EXOC2: variants seen among roughly 807,000 people sequenced by gnomAD.
EXOC2 encodes the protein SEC5-like 1.
Under a neutral mutation model 131.8 loss-of-function variants are expected in EXOC2, and 70 were observed. The ratio of observed to expected loss-of-function variants is 0.53; its 90% confidence interval spans 0.44 to 0.65. The LOEUF (loss-of-function observed/expected upper bound fraction) is 0.65. Ranked by LOEUF, EXOC2 falls within the 30% of genes least tolerant of loss-of-function variation. The pLI, the probability that EXOC2 is intolerant of heterozygous loss-of-function variation, is 0.00. For missense variants in EXOC2, 923 were observed against 1,108.6 expected, an observed-to-expected ratio of 0.83 and a Z score of 2.38; for synonymous variants, 411 against 398.4, an observed-to-expected ratio of 1.03 and a Z score of -0.38.
intron 1 of EXOC2, among the ~76,000 whole-genome samples, chr6:641,940 A>G (rs1416425518): frequency 1.3e-5 from 2 of 152,124 alleles, no homozygotes; most frequent in African/African-American, 4.8e-5. Context: ...ATAATCTTCT[A>G]TGAAATCCAC....
intron 23 of EXOC2, among the ~76,000 whole-genome samples, chr6:515,760 G>C (rs1042116530): frequency 6.6e-6 from 1 of 150,922 alleles, no homozygotes; most frequent in Non-Finnish European, 1.5e-5. Context: ...AGGAGGGAGC[G>C]AGAAGCCAGA....
intron 10 of EXOC2, among the ~76,000 whole-genome samples, chr6:596,346 T>G (rs1291459998): frequency 6.6e-6 from 1 of 151,806 alleles, no homozygotes; most frequent in Non-Finnish European, 1.5e-5. Context: ...ACACAGCAGC[T>G]TTCAGGCCAG....
At chr6:570,966 A>C (rs1758245515) in intron 13 of EXOC2, among the ~76,000 whole-genome samples, 1 of 152,222 alleles carries the variant, frequency 6.6e-6, no homozygotes, top group African/African-American at 2.4e-5. Context: ...GCTTGACCTC[A>C]GCATGGTGAG....
chr6:646,972 A>G (rs1011178734), intron 1 of EXOC2, among the ~76,000 whole-genome samples: 1 of 152,250 alleles, frequency 6.6e-6, no homozygotes, highest in African/African-American at 2.4e-5. Flanking sequence ...AAAGATACCA[A>G]AACACTGCAG....
intron 1 of EXOC2, among the ~76,000 whole-genome samples, chr6:654,077 A>G (rs1407673627): frequency 1.3e-5 from 2 of 152,238 alleles, no homozygotes; most frequent in Non-Finnish European, 2.9e-5. Context: ...TCAGAAAAAA[A>G]GATTTCTTTC....
At chr6:621,668 G>A (rs189282573) in intron 4 of EXOC2, among the ~76,000 whole-genome samples, 1 of 152,222 alleles carries the variant, frequency 6.6e-6, no homozygotes, top group East Asian at 1.9e-4. Context: ...AGTCGATCGT[G>A]CATCTTTTCT....
intron 7 of EXOC2, among the ~76,000 whole-genome samples, chr6:604,968 C>A (rs1011857659): frequency 1.3e-5 from 2 of 152,022 alleles, no homozygotes; most frequent in African/African-American, 4.8e-5. Flanking sequence ...AGGACTCCCA[C>A]CAGAGCAGTA....
intron 1 of EXOC2, among the ~76,000 whole-genome samples, chr6:674,277 T>A (rs1437714268): frequency 6.6e-6 from 1 of 152,174 alleles, no homozygotes; most frequent in African/African-American, 2.4e-5. Flanking sequence ...ACTGCTGACA[T>A]GATTACTTCC....
rs1458933243 is a variant in EXOC2 at position 666,770 on chromosome 6, TATC to T, written c.-44+26246_-44+26248del. Among the ~76,000 whole-genome samples the T allele has an allele frequency of 2.1e-5, 2 of 97,516 alleles. 1 individual carries two copies. The highest frequency in any genetic ancestry group is 6.1e-5 in the African/African-American group (2 of 32,846). The allele number at this position is 97,516 out of a possible 152,430, so 64.0% of individuals were successfully genotyped here. On this transcript the variant is annotated intron_variant, in intron 1 of 27. Transcript: ENST00000230449. ...TATGAGTTTTGACAAATGTATAACT[TATC>T]ATTACATGTATCCAACATTACAGTA...
chr6:668,487 C>G (rs899571584), intron 1 of EXOC2, among the ~76,000 whole-genome samples: 1 of 152,188 alleles, frequency 6.6e-6, no homozygotes, highest in Non-Finnish European at 1.5e-5. Context: ...CCCTCAACAC[C>G]CATCCCACCT....
At chr6:627,418 G>A (rs1761632023) in intron 4 of EXOC2, among the ~76,000 whole-genome samples, 1 of 152,054 alleles carries the variant, frequency 6.6e-6, no homozygotes, top group African/African-American at 2.4e-5. Context: ...CTTTCAGACG[G>A]ACAGAAGGAT....
chr6:497,545 T>TA (rs1763811612), intron 24 of EXOC2, 56 bp from the exon 25 acceptor site: 2 of 1,555,208 alleles, frequency 1.3e-6, no homozygotes, highest in South Asian at 2.5e-5. Context: ...TTGAATTTGT[T>TA]AAAGACAAAG....
intron 1 of EXOC2, among the ~76,000 whole-genome samples, chr6:674,963 T>G (rs1339406690): frequency 1.3e-5 from 2 of 152,030 alleles, no homozygotes; most frequent in African/African-American, 2.4e-5. Context: ...CTCCAAAAAA[T>G]TATTCAGATG....
chr6:574,948 C>T (rs754980754), intron 12 of EXOC2, among the ~76,000 whole-genome samples: 6 of 152,222 alleles, frequency 3.9e-5, no homozygotes, highest in South Asian at 2.1e-4. Context: ...TGGCCAGCTG[C>T]GTCAAGGGTC....
At chr6:592,692 C>G (rs1273064521) in intron 10 of EXOC2, 105 bp from the exon 11 acceptor site, 1 of 740,220 alleles carries the variant, frequency 1.4e-6, no homozygotes, top group Non-Finnish European at 2.3e-6. Context: ...TGTGCCCTGT[C>G]AAATATTAGT....
At chr6:622,131 T>C (rs1034666878) in intron 4 of EXOC2, among the ~76,000 whole-genome samples, 3 of 152,332 alleles carry the variant, frequency 2.0e-5, no homozygotes, top group Middle Eastern at 3.4e-3. Flanking sequence ...GTAAGGCGTG[T>C]CATCGCGGGC....
chr6:486,550 GA>G lies in EXOC2; in HGVS notation c.*120del. On this transcript the variant is annotated 3_prime_UTR_variant, in exon 28 of 28. Transcript: ENST00000230449. ...ATACCAACAATTTTCGAAGTCAGAGGAAGAAAAAAGAGAAAAATGGCAAACC... is the reference window on the plus strand; with the variant it reads ...ATACCAACAATTTTCGAAGTCAGAGGAGAAAAAAGAGAAAAATGGCAAACC... The G allele has an allele frequency of 1.2e-6, 1 of 857,690 alleles. No individual in the cohort carries two copies. The highest frequency in any genetic ancestry group is 1.8e-6 in the Non-Finnish European group (1 of 547,452). 53.1% of individuals were successfully genotyped at this position (857,690 alleles called of 1,614,324 possible). A position where few individuals can be genotyped will look rare whatever the true frequency, so the allele number is the denominator to read the frequency against.
At chr6:685,965 T>C (rs1361075238) in intron 1 of EXOC2, among the ~76,000 whole-genome samples, 1 of 115,990 alleles carries the variant, frequency 8.6e-6, no homozygotes, top group Non-Finnish European at 1.9e-5. Context: ...TATCCTGCTT[T>C]CCTGGACCTC....
At chr6:615,811 A>T (rs1014731137) in intron 6 of EXOC2, among the ~76,000 whole-genome samples, 13 of 152,226 alleles carry the variant, frequency 8.5e-5, no homozygotes, top group African/African-American at 3.1e-4. Flanking sequence ...AGATTTAAAA[A>T]TTAAGTGAAA....
Sources: gnomAD v4.1 joint callset for allele counts (sites outside exome capture counted in the v4.1 genomes callset) on GRCh38, gnomAD v4.1.1 for gene constraint, MANE v1.5 for transcripts, NCBI Gene and HGNC (gene_info 2026-07-23, HGNC 2026-07-21) for gene names.